Variants in NBEA observed in about 807,000 individuals in gnomAD.
NBEA encodes the protein neurobeachin.
In NBEA, 44 loss-of-function variants were observed where a neutral mutation model predicts 343.4. The observed-to-expected ratio is 0.13, with a 90% CI of 0.10 to 0.16. The LOEUF is 0.16. Among genes scored for constraint, NBEA ranks in the 10% least tolerant of loss-of-function variants. The pLI is 1.00. For synonymous variants in NBEA, 1,175 were observed against 1,238.7 expected, an observed-to-expected ratio of 0.95 and a Z score of 1.08; for missense variants, 2,555 against 3,631.3, an observed-to-expected ratio of 0.70 and a Z score of 7.62.
intron 34 of NBEA, among the ~76,000 whole-genome samples, chr13:35,278,433 G>A (rs566302460): frequency 2.0e-5 from 3 of 152,050 alleles, no homozygotes; most frequent in Non-Finnish European, 4.4e-5. Flanking sequence ...AGTATTAAGA[G>A]CCTTTATTGG....
chr13:35,650,623 A>G lies in NBEA; in HGVS notation c.7963+776A>G, dbSNP rs531609415. ...AGGCTGAGGCAGGAGAAACGCTTGAACCCGGGCAGCAGAGGTTGCAGTGAG... is the reference window on the plus strand; with the variant it reads ...AGGCTGAGGCAGGAGAAACGCTTGAGCCCGGGCAGCAGAGGTTGCAGTGAG... On this transcript the variant is annotated intron_variant, in intron 52 of 58. Transcript: ENST00000379939. 3.3e-5 allele frequency among the ~76,000 whole-genome samples: 5 copies of G among 152,268 alleles called. No individual in the cohort carries two copies. In the East Asian group the frequency reaches 9.7e-4, roughly 29 times the overall value.
At chr13:35,574,952 G>A (rs1365378664) in intron 45 of NBEA, among the ~76,000 whole-genome samples, 3 of 152,050 alleles carry the variant, frequency 2.0e-5, no homozygotes, top group Non-Finnish European at 4.4e-5. Flanking sequence ...GTTTCACCAT[G>A]TGGGCCAGGC....
chr13:35,193,572 G>T (rs1348619965), intron 30 of NBEA, among the ~76,000 whole-genome samples: 1 of 151,678 alleles, frequency 6.6e-6, no homozygotes, highest in Non-Finnish European at 1.5e-5. Flanking sequence ...TTAAGTCTTA[G>T]TCTTCTCTGA....
At chr13:35,613,449 G>C (rs7334618) in intron 48 of NBEA, among the ~76,000 whole-genome samples, 2 of 151,672 alleles carry the variant, frequency 1.3e-5, no homozygotes, top group African/African-American at 2.4e-5. Flanking sequence ...CCATTCATTC[G>C]TTGGTAGACA....
intron 16 of NBEA, among the ~76,000 whole-genome samples, chr13:35,122,076 A>T (rs893708625): frequency 1.3e-5 from 2 of 152,226 alleles, no homozygotes; most frequent in Non-Finnish European, 2.9e-5. Context: ...AACAAATGTT[A>T]TAATGAATAT....
chr13:35,094,624 G>A (rs576714720), intron 10 of NBEA, among the ~76,000 whole-genome samples: 8 of 152,046 alleles, frequency 5.3e-5, no homozygotes, highest in East Asian at 3.9e-4. Flanking sequence ...TGTCTTGGGT[G>A]TGGACTTGAA....
At position 35,449,225 on chromosome 13, in the gene NBEA, T is replaced by A. The variant is rs2046184184; in HGVS notation, c.6305-2867T>A. Among the ~76,000 whole-genome samples, 4 of 152,132 alleles carry A rather than the reference T, an allele frequency of 2.6e-5. No homozygotes were observed. In the South Asian group the frequency reaches 8.3e-4, roughly 31 times the overall value. On this transcript the variant is annotated intron_variant, in intron 39 of 58. Coordinates refer to ENST00000379939, the MANE Select transcript of NBEA (RefSeq NM_001385012.1). Reference sequence around the variant, plus strand: ...ATTAGGTGTTCTTGACTGGGAGGAGTTAATGAATAATTTTAATAGGAAAAT... The same window carrying A: ...ATTAGGTGTTCTTGACTGGGAGGAGATAATGAATAATTTTAATAGGAAAAT...
At chr13:35,019,752 G>C (rs2061771002) in intron 1 of NBEA, among the ~76,000 whole-genome samples, 1 of 152,102 alleles carries the variant, frequency 6.6e-6, no homozygotes, top group Non-Finnish European at 1.5e-5. Context: ...GTCACTCAAT[G>C]AATTTGTCTT....
At chr13:35,136,362 G>C (rs2067728015) in intron 17 of NBEA, among the ~76,000 whole-genome samples, 2 of 152,134 alleles carry the variant, frequency 1.3e-5, no homozygotes, top group South Asian at 4.1e-4. Context: ...AGAATGAACT[G>C]AGATTGATGT....
At chr13:35,476,438 T>C (rs2075876763) in intron 41 of NBEA, 1 of 931,592 alleles carries the variant, frequency 1.1e-6, no homozygotes. Context: ...TCTTCCTCTT[T>C]TAAAGAATCC....
At chr13:35,543,711 T>C (rs1446241395) in intron 41 of NBEA, among the ~76,000 whole-genome samples, 3 of 152,206 alleles carry the variant, frequency 2.0e-5, no homozygotes, top group African/African-American at 7.2e-5. Flanking sequence ...TTTTCCCATC[T>C]CCTTTTTGGA....
intron 1 of NBEA, among the ~76,000 whole-genome samples, chr13:34,986,904 T>A (rs1442383182): frequency 1.3e-5 from 2 of 151,040 alleles, no homozygotes; most frequent in Non-Finnish European, 3.0e-5. Context: ...AGCCTCTGTG[T>A]GTCTCTGCAC....
intron 1 of NBEA, among the ~76,000 whole-genome samples, chr13:35,020,431 C>T (rs926198232): frequency 4.6e-5 from 7 of 151,972 alleles, no homozygotes; most frequent in East Asian, 3.9e-4. Flanking sequence ...GTTTCTTGTA[C>T]GCTTTTAGAA....
intron 48 of NBEA, among the ~76,000 whole-genome samples, chr13:35,616,334 T>G (rs752765290): frequency 6.6e-6 from 1 of 152,198 alleles, no homozygotes; most frequent in Non-Finnish European, 1.5e-5. Context: ...GCAATATATA[T>G]TCCAATCACC....
intron 1 of NBEA, among the ~76,000 whole-genome samples, chr13:34,972,255 T>G (rs2060022243): frequency 6.6e-6 from 1 of 152,158 alleles, no homozygotes; most frequent in Non-Finnish European, 1.5e-5. Flanking sequence ...TTTATGTATT[T>G]TATTATTTTT....
intron 44 of NBEA, among the ~76,000 whole-genome samples, chr13:35,560,352 T>C (rs1192107573): frequency 3.3e-5 from 5 of 152,206 alleles, no homozygotes; most frequent in Admixed American, 3.3e-4. Flanking sequence ...AATTTTGTAA[T>C]TTTCTTTTAC....
chr13:35,138,926 GTAAT>G (rs1489487887), intron 17 of NBEA, among the ~76,000 whole-genome samples: 2 of 151,872 alleles, frequency 1.3e-5, no homozygotes, highest in East Asian at 1.9e-4. Flanking sequence ...TATATGCATA[GTAAT>G]TAATCTGTAT....
chr13:35,605,256 A>G (rs2082238445), intron 47 of NBEA, among the ~76,000 whole-genome samples: 1 of 152,206 alleles, frequency 6.6e-6, no homozygotes, highest in African/African-American at 2.4e-5. Flanking sequence ...TATGGCTCAC[A>G]GTGATCATCA....
intron 53 of NBEA, among the ~76,000 whole-genome samples, chr13:35,653,149 A>G (rs2084639562): frequency 6.6e-6 from 1 of 152,192 alleles, no homozygotes; most frequent in Admixed American, 6.5e-5. Context: ...CATTGGATCC[A>G]GAGCTAGCAT....
Sources: gnomAD v4.1 joint callset for allele counts (sites outside exome capture counted in the v4.1 genomes callset) on GRCh38, gnomAD v4.1.1 for gene constraint, MANE v1.5 for transcripts, NCBI Gene and HGNC (gene_info 2026-07-23, HGNC 2026-07-21) for gene names.